The following USP22 variants were observed in gnomAD, a reference collection of about 807,000 sequenced individuals.
The protein encoded by USP22 is ubiquitin specific peptidase 22, also known as ubiquitin carboxyl-terminal hydrolase 22.
USP22 carries 22 observed loss-of-function variants against 68.1 expected under a neutral mutation model. The observed-to-expected ratio is 0.32, with a 90% CI of 0.23 to 0.46. The LOEUF is 0.46. USP22 is among the 20% of genes least tolerant of loss of function. USP22 has a pLI of 1.00. For synonymous variants in USP22, 279 were observed against 274.2 expected (o/e 1.02, Z -0.17); for missense variants, 433 against 695.8 (o/e 0.62, Z 4.25).
chr17:21,003,357 C>A (rs1048516914), intron 12 of USP22, among the ~76,000 whole-genome samples: 1 of 152,238 alleles, frequency 6.6e-6, no homozygotes, highest in African/African-American at 2.4e-5. Context: ...GTGACAGCCC[C>A]ACCCTTGTGC....
Position 21,041,636 on chromosome 17 carries a change from C to T in USP22, c.171+1029G>A, listed in dbSNP as rs558670651. On this transcript the variant is annotated intron_variant, in intron 1 of 12. Transcript: ENST00000261497. ...TTTTTTTGAATTACTGCTTAACATA[C>T]CCTACAATCTCAGCGAGCCTGTTGG... Among the ~76,000 whole-genome samples, 399 of 152,228 alleles carry T rather than the reference C, an allele frequency of 2.6e-3. 4 individuals carry two copies. The highest frequency in any genetic ancestry group is 9.4e-3 in the African/African-American group (389 of 41,524).
At chr17:21,019,020 T>C (rs1435548294) in intron 4 of USP22, 64 bp downstream of exon 4, 1 of 1,535,702 alleles carries the variant, frequency 6.5e-7, no homozygotes, top group Non-Finnish European at 9.0e-7. Flanking sequence ...AAACCCACAA[T>C]TCTGTATTTA....
intron 10 of USP22, 110 bp from the exon 11 acceptor site, chr17:21,005,100 C>T (rs926772274): frequency 8.9e-6 from 11 of 1,234,082 alleles, no homozygotes; most frequent in African/African-American, 1.5e-5. Flanking sequence ...GATGCTGCAC[C>T]GAGGTGCACT....
chr17:21,043,123 A>ACCCCCCACCC (rs1972466915), upstream of USP22: 1 of 18,888 alleles, frequency 5.3e-5, no homozygotes, highest in African/African-American at 2.1e-4. Flanking sequence ...AGATTACGTC[A>ACCCCCCACCC]CCCCCCCCCC....
At chr17:21,011,364 A>AGGCAACCC in intron 7 of USP22, 55 bp from the exon 8 acceptor site, 1 of 1,547,156 alleles carries the variant, frequency 6.5e-7, no homozygotes. Context: ...CCAGCTCCAG[A>AGGCAACCC]GGCAACCCGG....
chr17:21,030,594 G>A (rs532752284), intron 1 of USP22, among the ~76,000 whole-genome samples: 7 of 152,288 alleles, frequency 4.6e-5, no homozygotes, highest in Middle Eastern at 3.4e-3. Context: ...ACAACATGGC[G>A]GCGCCTGTGG....
chr17:21,038,781 C>T (rs1441338780), intron 1 of USP22, among the ~76,000 whole-genome samples: 2 of 151,992 alleles, frequency 1.3e-5, no homozygotes, highest in Non-Finnish European at 2.9e-5. Flanking sequence ...ACCTGTTCTC[C>T]AAAGTGTCTA....
intron 2 of USP22, among the ~76,000 whole-genome samples, chr17:21,022,369 G>T (rs1213475725): frequency 6.6e-6 from 1 of 151,746 alleles, no homozygotes; most frequent in Non-Finnish European, 1.5e-5. Context: ...GTAATAATTT[G>T]TAAAAAGTCA....
At chr17:21,003,145 A>G in intron 12 of USP22, 72 bp from the exon 13 acceptor site, 1 of 1,566,216 alleles carries the variant, frequency 6.4e-7, no homozygotes, top group Non-Finnish European at 8.8e-7. Flanking sequence ...CCCACCCTAC[A>G]CAAAAGCCTA....
At position 21,002,836 on chromosome 17, in the gene USP22, C is replaced by T; in HGVS notation, c.*195G>A. The T allele has an allele frequency of 1.6e-6, 1 of 628,178 alleles. No individual in the cohort carries two copies. Among genetic ancestry groups the T allele is most frequent in the Non-Finnish European group, 2.8e-6 (1 of 353,394 alleles). The allele number at this position is 628,178 out of a possible 1,614,324, so 38.9% of individuals were successfully genotyped here. ...ATCTCATCCATCTTCAAAGCAGCTCCAGGAGCCTCCCCGTCCGTGTGGTCC... is the reference window on the plus strand; with the variant it reads ...ATCTCATCCATCTTCAAAGCAGCTCTAGGAGCCTCCCCGTCCGTGTGGTCC... On this transcript the variant is annotated 3_prime_UTR_variant, in exon 13 of 13. Coordinates refer to ENST00000261497, the MANE Select transcript of USP22 (RefSeq NM_015276.2).
intron 2 of USP22, among the ~76,000 whole-genome samples, chr17:21,024,379 G>A (rs111287907): frequency 2.2e-4 from 34 of 152,226 alleles, no homozygotes; most frequent in African/African-American, 7.5e-4. Flanking sequence ...TCTTTAAGAC[G>A]CCTTCACACT....
chr17:21,002,381 G>A lies in USP22; in HGVS notation c.*650C>T, dbSNP rs936413127. ...TTTGTGGAAAAAGGAGCGGGAGAGG[G>A]ATAAGAAAATGCCTGTTTCTAGAAA... On this transcript the variant is annotated 3_prime_UTR_variant, in exon 13 of 13. Coordinates refer to ENST00000261497, the MANE Select transcript of USP22 (RefSeq NM_015276.2). 2 of 152,310 alleles carry A rather than the reference G, an allele frequency of 1.3e-5. No individual in the cohort carries two copies. Among genetic ancestry groups the A allele is most frequent in the African/African-American group, 4.8e-5 (2 of 41,446 alleles). 9.4% of individuals were successfully genotyped at this position (152,310 alleles called of 1,614,324 possible).
rs1339818087 is a variant in USP22, at chr17:21,000,865, C to T, written c.*2166G>A. On this transcript the variant is annotated 3_prime_UTR_variant, in exon 13 of 13. Coordinates refer to ENST00000261497, the MANE Select transcript of USP22 (RefSeq NM_015276.2). The stretch of plus-strand genomic sequence containing the variant: ...ATCGCCTGAGGTCAGGAGTTTGAGA[C>T]ATGGTGAAACCCCATCTCTACTAAA... 1 of 152,196 alleles carries T rather than the reference C, an allele frequency of 6.6e-6. No individual in the cohort carries two copies. Among genetic ancestry groups the T allele is most frequent in the Non-Finnish European group, 1.5e-5 (1 of 68,048 alleles). The allele number at this position is 152,196 out of a possible 1,614,324, so 9.4% of individuals were successfully genotyped here.
chr17:21,021,286 G>A (rs911049989), intron 2 of USP22, 60 bp from the exon 3 acceptor site: 4 of 1,169,638 alleles, frequency 3.4e-6, no homozygotes, highest in African/African-American at 1.5e-5. Flanking sequence ...ATGGAAGGCT[G>A]GAGGGCAGAG....
At chr17:21,007,626 C>G (rs534678003) in intron 9 of USP22, among the ~76,000 whole-genome samples, 54 of 152,276 alleles carry the variant, frequency 3.5e-4, no homozygotes, top group African/African-American at 1.2e-3. Flanking sequence ...CACAACCACT[C>G]TGCTCCCAAG....
intron 2 of USP22, among the ~76,000 whole-genome samples, chr17:21,028,164 C>T (rs1325553990): frequency 6.6e-6 from 1 of 152,174 alleles, no homozygotes; most frequent in African/African-American, 2.4e-5. Flanking sequence ...TATGCCCACC[C>T]AACCCCACGC....
chr17:21,003,496 G>C (rs1424449308), intron 12 of USP22, among the ~76,000 whole-genome samples: 1 of 152,252 alleles, frequency 6.6e-6, no homozygotes, highest in African/African-American at 2.4e-5. Context: ...AGAATGTGAA[G>C]TGCAAAGCCC....
intron 1 of USP22, among the ~76,000 whole-genome samples, chr17:21,030,366 G>A (rs1041666863): frequency 5.0e-5 from 6 of 119,726 alleles, no homozygotes; most frequent in Non-Finnish European, 7.2e-5. Context: ...AACTCAGGCC[G>A]CTTGTGTGTG....
chr17:21,031,855 C>T (rs552325454), intron 1 of USP22, among the ~76,000 whole-genome samples: 3 of 152,366 alleles, frequency 2.0e-5, no homozygotes, highest in African/African-American at 7.2e-5. Context: ...TTTTACAGGC[C>T]TTATGGAGCC....
Sources: gnomAD v4.1 joint callset for allele counts (sites outside exome capture counted in the v4.1 genomes callset) on GRCh38, gnomAD v4.1.1 for gene constraint, MANE v1.5 for transcripts, NCBI Gene and HGNC (gene_info 2026-07-23, HGNC 2026-07-21) for gene names.